Variants in MACF1 observed in about 807,000 individuals in gnomAD.
MACF1 encodes the protein microtubule-actin cross-linking factor 1.
Under a neutral mutation model 854.8 loss-of-function variants are expected in MACF1, and 193 were observed. The observed-to-expected ratio is 0.23, with a 90% CI of 0.20 to 0.25. The LOEUF (loss-of-function observed/expected upper bound fraction) is 0.25. MACF1 is among the 10% of genes least tolerant of loss of function. MACF1 has a pLI of 1.00. For missense variants in MACF1, 7,722 were observed against 8,929.1 expected (o/e 0.86, Z 5.45); for synonymous variants, 3,185 against 3,226.7 (o/e 0.99, Z 0.44).
At chr1:39,415,520 A>G (rs1456064375) in intron 58 of MACF1, among the ~76,000 whole-genome samples, 2 of 146,924 alleles carry the variant, frequency 1.4e-5, no homozygotes, top group Admixed American at 6.8e-5. Flanking sequence ...ATATATATAT[A>G]TATAATTTTT....
chr1:39,337,777 GTT>G (rs1270757750), intron 38 of MACF1, among the ~76,000 whole-genome samples: 2 of 136,778 alleles, frequency 1.5e-5, no homozygotes, highest in African/African-American at 5.4e-5. Flanking sequence ...GTGTGTGTGT[GTT>G]TTTTTTTTGA....
rs542962445 is a variant in MACF1, at chr1:39,174,165, C to T, written c.221-57017C>T. 3.7e-3 allele frequency among the ~76,000 whole-genome samples: 570 copies of T among 152,326 alleles called. 3 individuals carry two copies. The highest frequency in any genetic ancestry group is 5.7e-3 in the Non-Finnish European group (389 of 68,032). On this transcript the variant is annotated intron_variant, in intron 2 of 93. Transcript: ENST00000361689. The stretch of plus-strand genomic sequence containing the variant: ...ATGAAATCTACCCAAAACAGTAGTT[C>T]CCAAAGGACCTGCTGTACTGATCTG...
chr1:39,218,017 A>T (rs1477011630), intron 1 of MACF1, among the ~76,000 whole-genome samples: 2 of 151,890 alleles, frequency 1.3e-5, no homozygotes, highest in African/African-American at 4.8e-5. Context: ...CCCTGTCTGT[A>T]CTAAAAATAC....
chr1:39,139,081 A>G (rs1292993360), intron 2 of MACF1, among the ~76,000 whole-genome samples: 1 of 152,244 alleles, frequency 6.6e-6, no homozygotes, highest in Non-Finnish European at 1.5e-5. Flanking sequence ...GTTAATGCAT[A>G]TGATGTAGCT....
At chr1:39,263,771 C>CTTTTTTTTTTTTTTTTTTTTTTTT (rs11453750) in intron 6 of MACF1, among the ~76,000 whole-genome samples, 1 of 100,166 alleles carries the variant, frequency 1.0e-5, no homozygotes, top group African/African-American at 4.1e-5. Context: ...TTTCTTTTTT[C>CTTTTTTTTTTTTTTTTTTTTTTTT]TTTTTTTTTT....
At chr1:39,377,614 A>G (rs1649836195) in intron 52 of MACF1, among the ~76,000 whole-genome samples, 1 of 152,150 alleles carries the variant, frequency 6.6e-6, no homozygotes, top group African/African-American at 2.4e-5. Flanking sequence ...TTTCTTGGGG[A>G]AAGGTGAGCA....
intron 84 of MACF1, among the ~76,000 whole-genome samples, chr1:39,450,397 C>A (rs561411058): frequency 1.3e-5 from 2 of 151,892 alleles, no homozygotes; most frequent in African/African-American, 2.4e-5. Context: ...TGAACTGATT[C>A]CAGATCACTA....
chr1:39,119,168 A>C (rs1191862058), intron 2 of MACF1, among the ~76,000 whole-genome samples: 1 of 152,048 alleles, frequency 6.6e-6, no homozygotes, highest in East Asian at 1.9e-4. Flanking sequence ...AAAATACAAA[A>C]TTAGCTGGCG....
chr1:39,315,247 A>C (rs1314654222), intron 26 of MACF1, among the ~76,000 whole-genome samples: 2 of 152,200 alleles, frequency 1.3e-5, no homozygotes, highest in Non-Finnish European at 2.9e-5. Flanking sequence ...TATATACAAA[A>C]TATAACATGC....
intron 2 of MACF1, among the ~76,000 whole-genome samples, chr1:39,112,210 C>G (rs1241421425): frequency 6.6e-6 from 1 of 151,970 alleles, no homozygotes; most frequent in Non-Finnish European, 1.5e-5. Context: ...CCTCAGCCTC[C>G]TGAGTAGCTG....
At chr1:39,451,288 C>G in intron 85 of MACF1, 77 bp downstream of exon 85, 1 of 1,380,714 alleles carries the variant, frequency 7.2e-7, no homozygotes, top group Admixed American at 2.8e-5. Flanking sequence ...CTACATATGA[C>G]TGCCTCTGCC....
At chr1:39,138,888 C>G (rs1643253840) in intron 2 of MACF1, among the ~76,000 whole-genome samples, 1 of 151,894 alleles carries the variant, frequency 6.6e-6, no homozygotes, top group Non-Finnish European at 1.5e-5. Context: ...TGGTCTCGAA[C>G]TCCTGACCTC....
rs1327243688 is a variant in MACF1, at chr1:39,468,637, G to A, written c.21794G>A (p.Arg7265Gln). Residue 7265 changes from arginine (R) to glutamine (Q), a missense_variant, in exon 96 of 101, where the codon CGG becomes CAG. Arg to Gln is a conservative substitution (Grantham distance 43). Transcript: ENST00000564288. ...GNQFGDSQQL[R>Q]LVRILRSTVM... ...CAGTTTGGGGATTCTCAGCAGTTGC[G>A]GCTGGTCCGTATTCTGCGCAGCACC... 1.2e-6 allele frequency: 2 copies of A among 1,613,936 alleles called. No homozygotes were observed. The highest frequency in any genetic ancestry group is 1.3e-5 in the African/African-American group (1 of 74,890).
At chr1:39,371,814 T>A (rs1649270405) in intron 51 of MACF1, among the ~76,000 whole-genome samples, 1 of 149,044 alleles carries the variant, frequency 6.7e-6, no homozygotes, top group Non-Finnish European at 1.5e-5. Flanking sequence ...TATCTTTCTT[T>A]GCTTTTTTTT....
At chr1:39,370,303 C>A in intron 51 of MACF1, 117 bp downstream of exon 51, 1 of 940,808 alleles carries the variant, frequency 1.1e-6, no homozygotes, top group Non-Finnish European at 1.5e-6. Flanking sequence ...CAGTCTGCAT[C>A]AGAACAGAAA....
At chr1:39,475,618 G>A (rs1337823635) in intron 97 of MACF1, among the ~76,000 whole-genome samples, 1 of 152,046 alleles carries the variant, frequency 6.6e-6, no homozygotes, top group Non-Finnish European at 1.5e-5. Flanking sequence ...AGTACAAGGG[G>A]GCATGCACAG....
At position 39,285,175 on chromosome 1, in the gene MACF1, G is replaced by C. The variant is rs1256601415; in HGVS notation, c.1224G>C (p.Leu408=). The C allele has an allele frequency of 6.2e-7, 1 of 1,614,088 alleles. No homozygotes were observed. The highest frequency in any genetic ancestry group is 1.3e-5 in the African/African-American group (1 of 74,930). ...GGGGAAAGCTCATCATAGAGATGCT[G>C]GAACGAGAGAAATCACTTCGGCCGG... ...EEWGKLIIEM[L]EREKSLRPAV... The change falls in exon 12 of 101, where the codon CTG becomes CTC. Residue 408 remains leucine (L), a synonymous_variant. Coordinates refer to ENST00000564288, the MANE Select transcript of MACF1 (RefSeq NM_001394062.1).
At chr1:39,131,104 A>T (rs1642990355) in intron 2 of MACF1, among the ~76,000 whole-genome samples, 1 of 143,794 alleles carries the variant, frequency 7.0e-6, no homozygotes, top group Admixed American at 7.2e-5. Flanking sequence ...CACCCACCTC[A>T]GCCTCCCAAA....
chr1:39,443,345 A>G (rs1644158068), intron 78 of MACF1, 101 bp from the exon 79 acceptor site: 2 of 1,332,626 alleles, frequency 1.5e-6, no homozygotes, highest in African/African-American at 2.9e-5. Flanking sequence ...GAGCAGCCGA[A>G]AATTCCTTCC....
Sources: gnomAD v4.1 joint callset for allele counts (sites outside exome capture counted in the v4.1 genomes callset) on GRCh38, gnomAD v4.1.1 for gene constraint, MANE v1.5 for transcripts, NCBI Gene and HGNC (gene_info 2026-07-23, HGNC 2026-07-21) for gene names.